SLIT3: variants seen among roughly 807,000 people sequenced by gnomAD.
The protein encoded by SLIT3 is slit homolog 3 protein.
Under a neutral mutation model 184.0 loss-of-function variants are expected in SLIT3, and 68 were observed. The ratio of observed to expected loss-of-function variants is 0.37; its 90% CI spans 0.30 to 0.45. The LOEUF (loss-of-function observed/expected upper bound fraction) is 0.45, where lower values mean the gene tolerates loss of function less well. Ranked by LOEUF, SLIT3 falls within the 20% of genes least tolerant of loss-of-function variation. SLIT3 has a pLI of 1.00. For synonymous variants in SLIT3, 831 were observed against 828.6 expected (o/e 1.00, Z -0.05); for missense variants, 1,707 against 2,026.0 (o/e 0.84, Z 3.02).
At chr5:168,754,076 C>T in intron 16 of SLIT3, 69 bp from the exon 17 acceptor site, 1 of 1,489,134 alleles carries the variant, frequency 6.7e-7, no homozygotes, top group Non-Finnish European at 9.0e-7. Context: ...GAGGGGATGA[C>T]TTGCCCTGCA....
At chr5:168,719,600 T>C (rs1395394998) in intron 23 of SLIT3, among the ~76,000 whole-genome samples, 1 of 152,242 alleles carries the variant, frequency 6.6e-6, no homozygotes, top group Non-Finnish European at 1.5e-5. Context: ...CATTGACTGG[T>C]TGCCTCATGG....
intron 8 of SLIT3, among the ~76,000 whole-genome samples, chr5:168,810,043 G>A (rs770831111): frequency 6.6e-6 from 1 of 152,158 alleles, no homozygotes; most frequent in Non-Finnish European, 1.5e-5. Context: ...ACAAGCCAGG[G>A]TGTCCTAAGC....
chr5:169,281,308 C>G (rs1766985266), intron 1 of SLIT3, among the ~76,000 whole-genome samples: 2 of 152,164 alleles, frequency 1.3e-5, no homozygotes, highest in Admixed American at 1.3e-4. Context: ...GAAACCCCGT[C>G]TCTACTAAAA....
At chr5:169,225,036 T>C (rs987549006) in intron 3 of SLIT3, among the ~76,000 whole-genome samples, 1 of 152,220 alleles carries the variant, frequency 6.6e-6, no homozygotes, top group African/African-American at 2.4e-5. Context: ...AAAATCTATA[T>C]ATTTTATGTA....
intron 32 of SLIT3, among the ~76,000 whole-genome samples, chr5:168,674,489 C>CTTTTTTTTTTT (rs141548947): frequency 8.3e-6 from 1 of 119,930 alleles, no homozygotes; most frequent in African/African-American, 3.2e-5. Flanking sequence ...GGGATATTCA[C>CTTTTTTTTTTT]TTTTTTTTTT....
chr5:169,057,262 G>C (rs937079342), intron 4 of SLIT3, among the ~76,000 whole-genome samples: 1 of 152,210 alleles, frequency 6.6e-6, no homozygotes, highest in Admixed American at 6.5e-5. Flanking sequence ...GAGAAATTCA[G>C]AGTGGATGAG....
In SLIT3 at chr5:169,059,280, C is replaced by T. The variant is rs553638363; in HGVS notation, c.413+134199G>A. Among the ~76,000 whole-genome samples the T allele has an allele frequency of 6.6e-5, 10 of 152,200 alleles. No individual in the cohort carries two copies. The East Asian group carries it at 1.9e-3, about 29-fold the overall frequency. On this transcript the variant is annotated intron_variant, in intron 4 of 35. Transcript: ENST00000519560. The stretch of plus-strand genomic sequence containing the variant: ...AAAGGCACTGTCCCCCCTCTAGGAG[C>T]AAAGTGGGGCAGAGACAGGGAGCTC...
intron 4 of SLIT3, among the ~76,000 whole-genome samples, chr5:168,952,550 A>AAG (rs59047961): frequency 1.2e-4 from 16 of 128,038 alleles, no homozygotes; most frequent in African/African-American, 5.2e-4. Flanking sequence ...AAAAAAAAAG[A>AAG]GGGGAGAAGG....
At chr5:168,920,047 G>A (rs1761586327) in intron 4 of SLIT3, among the ~76,000 whole-genome samples, 1 of 152,198 alleles carries the variant, frequency 6.6e-6, no homozygotes. Flanking sequence ...ACGTGGAAGT[G>A]AGTGTTTATT....
intron 25 of SLIT3, among the ~76,000 whole-genome samples, chr5:168,709,101 G>GTTTGT (rs1554134016): frequency 4.7e-5 from 6 of 126,960 alleles, no homozygotes; most frequent in Non-Finnish European, 9.1e-5. Context: ...TTTTCTGTTT[G>GTTTGT]TTTTTTTTTT....
rs1168432909 is a variant in SLIT3 at position 168,789,553 on chromosome 5, C to T, written c.1079+7G>A. ...TCACCTCAGGCCCCAACTCGGGCCC[C>T]ACTTACAGCGATGTGAGTGATTTCA... On this transcript the variant is annotated splice_region_variant and intron_variant, in intron 11 of 35. Coordinates refer to ENST00000519560, the MANE Select transcript of SLIT3 (RefSeq NM_003062.4). The T allele has an allele frequency of 1.2e-6, 2 of 1,611,536 alleles. No individual in the cohort carries two copies. Among genetic ancestry groups the T allele is most frequent in the South Asian group, 2.2e-5 (2 of 90,510 alleles).
At chr5:168,733,588 T>A (rs993354854) in intron 20 of SLIT3, among the ~76,000 whole-genome samples, 1 of 152,034 alleles carries the variant, frequency 6.6e-6, no homozygotes, top group African/African-American at 2.4e-5. Context: ...TGTATATTCA[T>A]GGACACAAGG....
At chr5:168,875,107 G>A (rs1373869366) in intron 5 of SLIT3, among the ~76,000 whole-genome samples, 1 of 149,432 alleles carries the variant, frequency 6.7e-6, no homozygotes, top group South Asian at 2.1e-4. Context: ...GAGGAAGCGG[G>A]GGAGAAAAGG....
chr5:169,129,826 T>G lies in SLIT3; in HGVS notation c.413+63653A>C, dbSNP rs555567626. On this transcript the variant is annotated intron_variant, in intron 4 of 35. Transcript: ENST00000519560. Reference sequence around the variant, plus strand: ...AAATGCCAGTTTCTTTGGTGGTTTTTTTTGTTTGTTTGTTTGTTTGTTTGT... The same window carrying G: ...AAATGCCAGTTTCTTTGGTGGTTTTGTTTGTTTGTTTGTTTGTTTGTTTGT... Among the ~76,000 whole-genome samples, 392 of 151,130 alleles carry G rather than the reference T, an allele frequency of 2.6e-3. 2 individuals carry two copies. Among genetic ancestry groups the G allele is most frequent in the South Asian group, 7.5e-3 (36 of 4,784 alleles).
At chr5:168,703,577 A>G (rs1762282795) in intron 26 of SLIT3, among the ~76,000 whole-genome samples, 1 of 151,950 alleles carries the variant, frequency 6.6e-6, no homozygotes, top group Non-Finnish European at 1.5e-5. Flanking sequence ...TCCTGAGACC[A>G]TGCCCACCAC....
chr5:168,722,207 C>T (rs1236696072), intron 23 of SLIT3, 49 bp downstream of exon 23: 1 of 1,544,404 alleles, frequency 6.5e-7, no homozygotes, highest in East Asian at 2.2e-5. Context: ...CTGCTTCCTG[C>T]TGTCACTCAG....
chr5:169,146,301 A>G (rs1437568993), intron 4 of SLIT3, among the ~76,000 whole-genome samples: 1 of 152,262 alleles, frequency 6.6e-6, no homozygotes, highest in Admixed American at 6.5e-5. Flanking sequence ...TTCCCTCTTA[A>G]GCACAGGCTG....
intron 4 of SLIT3, among the ~76,000 whole-genome samples, chr5:169,143,576 A>G (rs1581454247): frequency 6.6e-6 from 1 of 152,364 alleles, no homozygotes; most frequent in East Asian, 1.9e-4. Flanking sequence ...AGGTGGGTGG[A>G]TGACCTGAGG....
chr5:168,679,034 G>A (rs1761500357), intron 32 of SLIT3, among the ~76,000 whole-genome samples: 1 of 152,186 alleles, frequency 6.6e-6, no homozygotes, highest in Admixed American at 6.5e-5. Context: ...GCATTGGCCA[G>A]AGTGGCCCAT....
Sources: gnomAD v4.1 joint callset for allele counts (sites outside exome capture counted in the v4.1 genomes callset) on GRCh38, gnomAD v4.1.1 for gene constraint, MANE v1.5 for transcripts, NCBI Gene and HGNC (gene_info 2026-07-23, HGNC 2026-07-21) for gene names.